The following PACS1 variants were observed in gnomAD, a reference collection of about 807,000 sequenced individuals.
PACS1 encodes the protein PACS-1.
PACS1 carries 24 observed loss-of-function variants against 115.0 expected under a neutral mutation model. The ratio of observed to expected loss-of-function variants is 0.21; its 90% CI spans 0.15 to 0.29. The LOEUF (loss-of-function observed/expected upper bound fraction) is 0.29, where lower values mean the gene tolerates loss of function less well. Among genes scored for constraint, PACS1 ranks in the 10% least tolerant of loss-of-function variants. The pLI, the probability that PACS1 is intolerant of heterozygous loss-of-function variation, is 1.00. For synonymous variants in PACS1, 453 were observed against 504.5 expected, an observed-to-expected ratio of 0.90 and a Z score of 1.37; for missense variants, 838 against 1,251.2, an observed-to-expected ratio of 0.67 and a Z score of 4.98.
At chr11:66,098,686 G>A (rs2134524002) in intron 1 of PACS1, among the ~76,000 whole-genome samples, 1 of 152,296 alleles carries the variant, frequency 6.6e-6, no homozygotes, top group Non-Finnish European at 1.5e-5. Context: ...GAATCCCAGG[G>A]AGGAGTGTGC....
intron 1 of PACS1, among the ~76,000 whole-genome samples, chr11:66,116,474 T>C (rs1858308587): frequency 6.6e-6 from 1 of 152,380 alleles, no homozygotes; most frequent in Non-Finnish European, 1.5e-5. Context: ...ACAGCTCTTA[T>C]GAGACATAAA....
At chr11:66,101,866 G>A (rs1277454663) in intron 1 of PACS1, among the ~76,000 whole-genome samples, 1 of 152,176 alleles carries the variant, frequency 6.6e-6, no homozygotes, top group Non-Finnish European at 1.5e-5. Flanking sequence ...GCTGTTAGTG[G>A]TGGGCCCAGA....
rs771595035 is a variant in PACS1 at position 66,080,305 on chromosome 11, C to T, written c.356+9463C>T. On this transcript the variant is annotated intron_variant, in intron 1 of 23. Coordinates refer to ENST00000320580, the MANE Select transcript of PACS1 (RefSeq NM_018026.4). ...CAGGCTGACAAAGTCCATTCTCTCC[C>T]GGGGTGTGCTTTCTGGTGGGGGTGA... Among the ~76,000 whole-genome samples the T allele has an allele frequency of 3.3e-5, 5 of 152,094 alleles. No homozygotes were observed. The South Asian group carries it at 6.2e-4, about 19-fold the overall frequency.
At chr11:66,086,138 T>TC (rs1857563389) in intron 1 of PACS1, among the ~76,000 whole-genome samples, 1 of 147,096 alleles carries the variant, frequency 6.8e-6, no homozygotes, top group African/African-American at 2.5e-5. Flanking sequence ...TGATTTCTTT[T>TC]TTTTTTTTTT....
rs139535801 is a variant in PACS1 at position 66,140,304 on chromosome 11, C to T, written c.357-53182C>T. ...GGAGATTTTTGACTGAGCTCTAGTTCGGAACTTTTTCCTAACATATGAGAG... is the reference window on the plus strand; with the variant it reads ...GGAGATTTTTGACTGAGCTCTAGTTTGGAACTTTTTCCTAACATATGAGAG... On this transcript the variant is annotated intron_variant, in intron 1 of 23. Transcript: ENST00000320580. Among the ~76,000 whole-genome samples, 34 of 152,236 alleles carry T rather than the reference C, an allele frequency of 2.2e-4. No individual in the cohort carries two copies. The East Asian group carries it at 6.2e-3, about 28-fold the overall frequency.
At chr11:66,176,652 G>A (rs954383549) in intron 1 of PACS1, among the ~76,000 whole-genome samples, 4 of 152,134 alleles carry the variant, frequency 2.6e-5, no homozygotes, top group Non-Finnish European at 4.4e-5. Flanking sequence ...GATAGCAAGT[G>A]ATCCGCCTGC....
chr11:66,216,507 G>T lies in PACS1; in HGVS notation c.806-13G>T, dbSNP rs763060572. The T allele has an allele frequency of 1.2e-6, 2 of 1,606,364 alleles. No homozygotes were observed. The highest frequency in any genetic ancestry group is 3.3e-5 in the Admixed American group (2 of 60,032). On this transcript the variant is annotated splice_polypyrimidine_tract_variant and intron_variant, in intron 5 of 23. Coordinates refer to ENST00000320580, the MANE Select transcript of PACS1 (RefSeq NM_018026.4). ...CCCATTGCAAGGTTATCTTACTCAG[G>T]TGTCTGTTGCAGATCGTTCTCCTGA... is the stretch of plus-strand genomic sequence containing the variant.
In PACS1 at chr11:66,107,391, A is replaced by G. The variant is rs926572905; in HGVS notation, c.356+36549A>G. Among the ~76,000 whole-genome samples the G allele has an allele frequency of 5.9e-5, 9 of 152,036 alleles. No individual in the cohort carries two copies. The East Asian group carries it at 1.7e-3, about 29-fold the overall frequency. ...ACATTATTCCTGCTTCCCTTTCTCC[A>G]TAGCACTTGTCAACTGCTAACACAC... On this transcript the variant is annotated intron_variant, in intron 1 of 23. Coordinates refer to ENST00000320580, the MANE Select transcript of PACS1 (RefSeq NM_018026.4).
At chr11:66,117,456 A>G (rs1858329835) in intron 1 of PACS1, among the ~76,000 whole-genome samples, 1 of 80,354 alleles carries the variant, frequency 1.2e-5, no homozygotes, top group Non-Finnish European at 3.1e-5. Flanking sequence ...GGAAAACTCC[A>G]TCTCAAAAAA....
Position 66,244,216 on chromosome 11 carries a change from C to T in PACS1, c.*936C>T, listed in dbSNP as rs1408366484. 2.6e-5 allele frequency: 4 copies of T among 152,370 alleles called. No individual in the cohort carries two copies. Among genetic ancestry groups the T allele is most frequent in the Non-Finnish European group, 4.4e-5 (3 of 68,156 alleles). The allele number at this position is 152,370 out of a possible 1,614,324, so 9.4% of individuals were successfully genotyped here. A position where few individuals can be genotyped will look rare whatever the true frequency, so the allele number is the denominator to read the frequency against. On this transcript the variant is annotated 3_prime_UTR_variant, in exon 24 of 24. Transcript: ENST00000320580. ...CCACCACCATACATGCTGTCTGTGG[C>T]CCCTCAGACATTCTGTTTCATCTCC...
intron 1 of PACS1, among the ~76,000 whole-genome samples, chr11:66,112,206 T>G (rs1354535342): frequency 6.6e-6 from 1 of 151,912 alleles, no homozygotes; most frequent in Non-Finnish European, 1.5e-5. Context: ...AAACCCAGAC[T>G]TCTTCTCCTG....
chr11:66,129,455 ATATTATTATTATTATTAT>A (rs71455707), intron 1 of PACS1, among the ~76,000 whole-genome samples: 1 of 140,396 alleles, frequency 7.1e-6, no homozygotes, highest in African/African-American at 2.7e-5. Flanking sequence ...GGTTTAAAAA[ATATTATTATTATTATTAT>A]TATTATTATT....
chr11:66,137,064 T>C (rs1354572128), intron 1 of PACS1, among the ~76,000 whole-genome samples: 1 of 147,390 alleles, frequency 6.8e-6, no homozygotes, highest in Non-Finnish European at 1.5e-5. Context: ...CAAGCTCTGT[T>C]TACATTGGTG....
intron 1 of PACS1, among the ~76,000 whole-genome samples, chr11:66,138,292 T>G (rs1858895151): frequency 6.6e-6 from 1 of 152,036 alleles, no homozygotes; most frequent in Non-Finnish European, 1.5e-5. Context: ...ATGGGAGTCT[T>G]GCCATATTAC....
intron 1 of PACS1, among the ~76,000 whole-genome samples, chr11:66,149,778 T>G (rs1859197167): frequency 6.6e-6 from 1 of 152,028 alleles, no homozygotes; most frequent in African/African-American, 2.4e-5. Flanking sequence ...AGACGGAGTT[T>G]CGCTCTTGTT....
intron 1 of PACS1, among the ~76,000 whole-genome samples, chr11:66,162,112 GTTTTTTTTTTTTTTTTT>G (rs58980906): frequency 1.3e-3 from 73 of 56,376 alleles, no homozygotes; most frequent in African/African-American, 4.7e-3. Context: ...GGTGGTGGTG[GTTTTTTTTTTTTTTTTT>G]TTTTTTTTTT....
intron 3 of PACS1, 92 bp downstream of exon 3, chr11:66,210,543 C>A: frequency 3.2e-6 from 3 of 939,152 alleles, no homozygotes; most frequent in South Asian, 2.7e-5. Context: ...TATCCCAGAG[C>A]CCCCATTCCC....
At chr11:66,213,601 A>G (rs780674025) in intron 4 of PACS1, among the ~76,000 whole-genome samples, 1 of 152,252 alleles carries the variant, frequency 6.6e-6, no homozygotes, top group African/African-American at 2.4e-5. Flanking sequence ...GCTCGTGTCT[A>G]CACACGTCAC....
intron 1 of PACS1, among the ~76,000 whole-genome samples, chr11:66,147,713 G>A (rs1309688991): frequency 6.6e-6 from 1 of 152,156 alleles, no homozygotes; most frequent in Non-Finnish European, 1.5e-5. Flanking sequence ...AGGCTGGGAA[G>A]GTTAGGGGGT....
Sources: allele counts gnomAD v4.1 joint callset (sites outside exome capture counted in the v4.1 genomes callset), GRCh38; gene constraint gnomAD v4.1.1; transcripts MANE v1.5; gene names NCBI Gene and HGNC (gene_info 2026-07-23, HGNC 2026-07-21).